The following SKA2 variants were observed in gnomAD, a reference collection of about 807,000 sequenced individuals.
SKA2 encodes spindle and kinetochore-associated protein 2.
SKA2 carries 13 observed loss-of-function variants against 16.9 expected under a neutral mutation model. That is an observed-to-expected ratio of 0.77 (90% CI 0.50 to 1.22). The LOEUF (loss-of-function observed/expected upper bound fraction) is 1.22, where lower values mean the gene tolerates loss of function less well. Ranked by LOEUF, SKA2 falls within the 50% of genes most tolerant of loss-of-function variation. The pLI is 0.00. For missense variants in SKA2, 107 were observed against 139.7 expected, an observed-to-expected ratio of 0.77 and a Z score of 1.18; for synonymous variants, 47 against 48.5, an observed-to-expected ratio of 0.97 and a Z score of 0.13.
chr17:59,116,403 A>G (rs1409018318), intron 3 of SKA2, among the ~76,000 whole-genome samples: 3 of 152,166 alleles, frequency 2.0e-5, no homozygotes, highest in Non-Finnish European at 4.4e-5. Context: ...AATTAAATAA[A>G]TAAATAAACT....
chr17:59,120,834 C>G (rs116321998), intron 2 of SKA2, among the ~76,000 whole-genome samples: 1 of 152,064 alleles, frequency 6.6e-6, no homozygotes, highest in Admixed American at 6.5e-5. Flanking sequence ...ATCTAGAATC[C>G]TATATTCAAC....
chr17:59,120,214 C>A (rs1034460739), intron 2 of SKA2, among the ~76,000 whole-genome samples: 3 of 151,606 alleles, frequency 2.0e-5, no homozygotes, highest in Non-Finnish European at 4.4e-5. Context: ...GGCCAAAATT[C>A]GTAAACATAC....
At chr17:59,146,560 G>A (rs1329871135) in intron 1 of SKA2, among the ~76,000 whole-genome samples, 2 of 152,086 alleles carry the variant, frequency 1.3e-5, no homozygotes, top group African/African-American at 4.8e-5. Flanking sequence ...ATCAAGGACT[G>A]ATTCTAACTT....
At chr17:59,140,711 C>T (rs886536072) in intron 1 of SKA2, among the ~76,000 whole-genome samples, 7 of 147,684 alleles carry the variant, frequency 4.7e-5, no homozygotes, top group Admixed American at 6.8e-5. Flanking sequence ...CCCGGGTTCA[C>T]GCCATTCTCC....
intron 2 of SKA2, among the ~76,000 whole-genome samples, chr17:59,130,039 CG>C (rs1166965927): frequency 1.1e-5 from 1 of 95,146 alleles, no homozygotes; most frequent in Non-Finnish European, 2.0e-5. Context: ...GAGAAAGAGG[CG>C]GGGGGGAGAG....
chr17:59,134,316 A>G (rs981155870), intron 1 of SKA2, among the ~76,000 whole-genome samples: 3 of 152,148 alleles, frequency 2.0e-5, no homozygotes, highest in Non-Finnish European at 4.4e-5. Flanking sequence ...GCTTTTTTCA[A>G]TGAGTTATAT....
At chr17:59,140,252 G>A (rs1169241097) in intron 1 of SKA2, among the ~76,000 whole-genome samples, 18 of 148,974 alleles carry the variant, frequency 1.2e-4, no homozygotes, top group African/African-American at 4.5e-4. Flanking sequence ...TTTTTGAGAT[G>A]AAGTCTCGCT....
intron 2 of SKA2, among the ~76,000 whole-genome samples, chr17:59,128,203 A>T (rs529478205): frequency 3.2e-4 from 48 of 152,068 alleles, no homozygotes; most frequent in Non-Finnish European, 5.3e-4. Context: ...GGACAGAGCA[A>T]GACTCCATCT....
intron 1 of SKA2, among the ~76,000 whole-genome samples, chr17:59,131,960 G>C (rs2046414511): frequency 6.6e-6 from 1 of 151,752 alleles, no homozygotes; most frequent in Admixed American, 6.6e-5. Flanking sequence ...ATGGGAACTT[G>C]ATCTGTAGTA....
chr17:59,143,526 C>T (rs755436615), intron 1 of SKA2, among the ~76,000 whole-genome samples: 3 of 152,092 alleles, frequency 2.0e-5, no homozygotes, highest in African/African-American at 4.8e-5. Context: ...GGATTACAAA[C>T]GTGCCCAGCT....
intron 1 of SKA2, among the ~76,000 whole-genome samples, chr17:59,152,153 C>T (rs1394874236): frequency 1.3e-5 from 2 of 152,102 alleles, no homozygotes; most frequent in Admixed American, 6.5e-5. Context: ...AGTAGTACCA[C>T]GAAAGAACAA....
chr17:59,122,777 C>T (rs542037167), intron 2 of SKA2, among the ~76,000 whole-genome samples: 2 of 151,898 alleles, frequency 1.3e-5, no homozygotes, highest in South Asian at 2.1e-4. Flanking sequence ...TGTGTGCCAC[C>T]ACACCCAGCT....
intron 1 of SKA2, among the ~76,000 whole-genome samples, chr17:59,150,458 T>C (rs746623624): frequency 6.6e-6 from 1 of 152,122 alleles, no homozygotes; most frequent in Non-Finnish European, 1.5e-5. Flanking sequence ...TTTGGAGGAC[T>C]AGGCACAGTG....
intron 1 of SKA2, among the ~76,000 whole-genome samples, chr17:59,132,265 A>C (rs1704874831): frequency 6.6e-6 from 1 of 152,106 alleles, no homozygotes; most frequent in Admixed American, 6.6e-5. Context: ...CTGAGGCAGG[A>C]GAATCGCTTG....
intron 3 of SKA2, among the ~76,000 whole-genome samples, chr17:59,117,376 T>C (rs2046303602): frequency 6.6e-6 from 1 of 152,096 alleles, no homozygotes; most frequent in Non-Finnish European, 1.5e-5. Flanking sequence ...AACTTTCTAC[T>C]ACTATCTCAT....
At chr17:59,150,498 A>G (rs1861798834) in intron 1 of SKA2, among the ~76,000 whole-genome samples, 1 of 152,182 alleles carries the variant, frequency 6.6e-6, no homozygotes, top group South Asian at 2.1e-4. Flanking sequence ...GCACTCTGGG[A>G]GGCCAAGGCA....
intron 1 of SKA2, among the ~76,000 whole-genome samples, chr17:59,152,683 A>C (rs1260296599): frequency 1.3e-5 from 2 of 152,184 alleles, no homozygotes; most frequent in Non-Finnish European, 2.9e-5. Flanking sequence ...TTAAAATCTT[A>C]TAAAATAAAC....
chr17:59,119,250 G>A (rs1303738258), intron 3 of SKA2, 69 bp downstream of exon 3: 1 of 1,526,594 alleles, frequency 6.6e-7, no homozygotes, highest in Non-Finnish European at 8.9e-7. Flanking sequence ...AGTTACATCA[G>A]GTTTATTTTT....
At chr17:59,154,927 T>A (rs770429469) in intron 1 of SKA2, 2 of 1,610,508 alleles carry the variant, frequency 1.2e-6, no homozygotes, top group East Asian at 2.2e-5. Flanking sequence ...GCCATTTCCC[T>A]GACGAGTTTC....
Sources: gnomAD v4.1 joint callset for allele counts (sites outside exome capture counted in the v4.1 genomes callset) on GRCh38, gnomAD v4.1.1 for gene constraint, MANE v1.5 for transcripts, NCBI Gene and HGNC (gene_info 2026-07-23, HGNC 2026-07-21) for gene names.